Variants in KIF3B observed in about 807,000 individuals in gnomAD.
The protein encoded by KIF3B is kinesin-like protein KIF3B.
A neutral mutation model predicts 74.3 loss-of-function variants in KIF3B; 38 were observed. The observed-to-expected ratio is 0.51, with a 90% confidence interval of 0.39 to 0.67. KIF3B has a LOEUF of 0.67. Among genes scored for constraint, KIF3B ranks in the 30% least tolerant of loss-of-function variants. KIF3B has a pLI of 0.00. For missense variants in KIF3B, 649 were observed against 932.0 expected (o/e 0.70, Z 3.95); for synonymous variants, 326 against 342.5 (o/e 0.95, Z 0.53).
At chr20:32,323,419 G>A (rs2047886364) in intron 5 of KIF3B, among the ~76,000 whole-genome samples, 2 of 151,120 alleles carry the variant, frequency 1.3e-5, no homozygotes. Context: ...TTGTTTATTT[G>A]AGACAGAGTC....
chr20:32,284,122 G>A (rs1161665612), intron 1 of KIF3B, among the ~76,000 whole-genome samples: 2 of 151,092 alleles, frequency 1.3e-5, no homozygotes, highest in African/African-American at 4.9e-5. Flanking sequence ...TTTATTTTTT[G>A]TAGAGATGGG....
chr20:32,323,104 A>G (rs867968037), intron 5 of KIF3B, among the ~76,000 whole-genome samples: 2 of 87,324 alleles, frequency 2.3e-5, no homozygotes, highest in East Asian at 4.0e-4. Flanking sequence ...TTATATATTT[A>G]TATATATTTA....
At chr20:32,326,736 G>A in intron 5 of KIF3B, 35 bp from the exon 6 acceptor site, 1 of 838,820 alleles carries the variant, frequency 1.2e-6, no homozygotes, top group Non-Finnish European at 2.0e-6. Context: ...TATGTATTCT[G>A]TATCTGTTTT....
chr20:32,323,878 C>G (rs2047889925), intron 5 of KIF3B, among the ~76,000 whole-genome samples: 4 of 151,666 alleles, frequency 2.6e-5, no homozygotes, highest in Admixed American at 2.0e-4. Flanking sequence ...AACTCCATCT[C>G]AAAAAGTATA....
chr20:32,320,009 T>C (rs1317798751), intron 5 of KIF3B, among the ~76,000 whole-genome samples: 1 of 150,568 alleles, frequency 6.6e-6, no homozygotes, highest in African/African-American at 2.4e-5. Context: ...ATTGTCCTGC[T>C]TCAGCCTCCC....
intron 1 of KIF3B, among the ~76,000 whole-genome samples, chr20:32,307,918 CAAAA>C (rs574709198): frequency 1.1e-4 from 6 of 52,770 alleles, no homozygotes; most frequent in African/African-American, 2.2e-4. Flanking sequence ...GACTCTGTCT[CAAAA>C]AAAAAAAAAA....
intron 1 of KIF3B, among the ~76,000 whole-genome samples, chr20:32,296,355 C>T (rs1177527220): frequency 1.3e-5 from 2 of 151,994 alleles, no homozygotes; most frequent in Non-Finnish European, 2.9e-5. Context: ...AGGGTAAACA[C>T]ACTTTGGGAG....
At chr20:32,292,808 T>C (rs1005891812) in intron 1 of KIF3B, among the ~76,000 whole-genome samples, 5 of 151,918 alleles carry the variant, frequency 3.3e-5, no homozygotes, top group African/African-American at 1.2e-4. Flanking sequence ...CAATAGAATG[T>C]GTACAACAGT....
chr20:32,293,646 G>A (rs1223494337), intron 1 of KIF3B, among the ~76,000 whole-genome samples: 1 of 151,952 alleles, frequency 6.6e-6, no homozygotes, highest in African/African-American at 2.4e-5. Context: ...AAAATGAGTT[G>A]GGGGGCGGGG....
intron 1 of KIF3B, among the ~76,000 whole-genome samples, chr20:32,285,442 C>A (rs1006033099): frequency 5.3e-5 from 8 of 152,208 alleles, no homozygotes; most frequent in Admixed American, 4.6e-4. Flanking sequence ...CCTCAGTTTT[C>A]TCTCTCTGCC....
At chr20:32,308,085 A>G (rs1032189255) in intron 1 of KIF3B, among the ~76,000 whole-genome samples, 1 of 151,404 alleles carries the variant, frequency 6.6e-6, no homozygotes, top group Non-Finnish European at 1.5e-5. Flanking sequence ...AAATACAAAA[A>G]ATTAGCCGGG....
At chr20:32,290,598 C>T (rs145447935) in intron 1 of KIF3B, among the ~76,000 whole-genome samples, 3 of 151,778 alleles carry the variant, frequency 2.0e-5, no homozygotes, top group Admixed American at 6.6e-5. Context: ...AGGCCAGGCG[C>T]GATGGCTCAC....
At chr20:32,319,854 T>C (rs1430343231) in intron 5 of KIF3B, among the ~76,000 whole-genome samples, 2 of 147,482 alleles carry the variant, frequency 1.4e-5, no homozygotes, top group East Asian at 4.1e-4. Flanking sequence ...CCAAAGTGCT[T>C]GGATTACAGG....
chr20:32,323,137 CATATATTT>C (rs2047883449), intron 5 of KIF3B, among the ~76,000 whole-genome samples: 1 of 23,862 alleles, frequency 4.2e-5, no homozygotes, highest in South Asian at 1.4e-3. Context: ...TATATATTTA[CATATATTT>C]ATATATTTAT....
intron 1 of KIF3B, among the ~76,000 whole-genome samples, chr20:32,306,938 C>T (rs894811865): frequency 3.3e-5 from 5 of 151,996 alleles, no homozygotes; most frequent in Non-Finnish European, 4.4e-5. Context: ...CCATAGTTCC[C>T]GTGCTAAAGC....
intron 1 of KIF3B, among the ~76,000 whole-genome samples, chr20:32,299,174 A>G (rs1424914353): frequency 6.6e-6 from 1 of 151,592 alleles, no homozygotes; most frequent in African/African-American, 2.4e-5. Context: ...TGTAGTCCAT[A>G]TTGTCTCTAT....
chr20:32,306,075 A>G (rs2047769059), intron 1 of KIF3B, among the ~76,000 whole-genome samples: 1 of 141,868 alleles, frequency 7.0e-6, no homozygotes, highest in Non-Finnish European at 1.5e-5. Context: ...AATAAGAGCA[A>G]GACTCCATCT....
chr20:32,312,490 T>C (rs760187952), intron 2 of KIF3B, among the ~76,000 whole-genome samples: 21 of 152,196 alleles, frequency 1.4e-4, no homozygotes, highest in African/African-American at 3.6e-4. Flanking sequence ...GTTTCCTTGC[T>C]TTTCCTTATA....
chr20:32,285,986 T>C (rs1466627045), intron 1 of KIF3B, among the ~76,000 whole-genome samples: 2 of 152,230 alleles, frequency 1.3e-5, no homozygotes, highest in Non-Finnish European at 2.9e-5. Context: ...CACAGGAAGA[T>C]CTATCTTTAG....
Sources: gnomAD v4.1 joint callset for allele counts (sites outside exome capture counted in the v4.1 genomes callset) on GRCh38, gnomAD v4.1.1 for gene constraint, MANE v1.5 for transcripts, NCBI Gene and HGNC (gene_info 2026-07-23, HGNC 2026-07-21) for gene names.